Variants in USP12 observed in about 807,000 individuals in gnomAD.
USP12 encodes ubiquitin specific peptidase 12, also known as ubiquitin carboxyl-terminal hydrolase 12.
In USP12, 19 loss-of-function variants were observed where a neutral mutation model predicts 45.5. The ratio of observed to expected loss-of-function variants is 0.42; its 90% confidence interval spans 0.29 to 0.61. The LOEUF is 0.61. Ranked by LOEUF, USP12 falls within the 20% of genes least tolerant of loss-of-function variation. The pLI is 0.22. For synonymous variants in USP12, 149 were observed against 148.8 expected (o/e 1.00, Z -0.01); for missense variants, 242 against 447.7 (o/e 0.54, Z 4.15).
intron 2 of USP12, among the ~76,000 whole-genome samples, chr13:27,109,643 C>A (rs1298645419): frequency 6.6e-6 from 1 of 151,946 alleles, no homozygotes; most frequent in African/African-American, 2.4e-5. Flanking sequence ...TTTGGCTGGG[C>A]GCAGTGGCTC....
chr13:27,164,762 AC>A (rs1233614308), intron 1 of USP12, among the ~76,000 whole-genome samples: 2 of 152,190 alleles, frequency 1.3e-5, no homozygotes, highest in African/African-American at 4.8e-5. Flanking sequence ...CTCTTCACTT[AC>A]TACTTTCTCC....
intron 1 of USP12, chr13:27,117,786 G>T (rs1221005858): frequency 1.9e-6 from 1 of 518,418 alleles, no homozygotes; most frequent in South Asian, 1.4e-5. Context: ...ATCATAGCGT[G>T]TCACAGTTTC....
At chr13:27,095,134 G>A (rs962061599) in intron 4 of USP12, among the ~76,000 whole-genome samples, 1 of 152,158 alleles carries the variant, frequency 6.6e-6, no homozygotes, top group Admixed American at 6.5e-5. Context: ...CAGCCTGGGT[G>A]TAACAATTTT....
intron 1 of USP12, among the ~76,000 whole-genome samples, chr13:27,128,412 C>T (rs1014072982): frequency 2.0e-5 from 3 of 152,168 alleles, no homozygotes; most frequent in Admixed American, 1.3e-4. Context: ...TGAAACTTTA[C>T]AGATCCTACT....
chr13:27,116,650 A>G (rs1875757636), intron 1 of USP12, 54 bp from the exon 2 acceptor site: 1 of 1,552,302 alleles, frequency 6.4e-7, no homozygotes, highest in Non-Finnish European at 8.8e-7. Context: ...GCACCACATA[A>G]TGACACTTCA....
intron 6 of USP12, 31 bp downstream of exon 6, chr13:27,089,849 AATC>A: frequency 6.3e-7 from 1 of 1,592,282 alleles, no homozygotes; most frequent in Non-Finnish European, 8.5e-7. Flanking sequence ...CAAAAAATAA[AATC>A]ACTTAAAAAT....
At chr13:27,073,973 G>A (rs936241353) in intron 7 of USP12, among the ~76,000 whole-genome samples, 4 of 152,132 alleles carry the variant, frequency 2.6e-5, no homozygotes, top group African/African-American at 4.8e-5. Context: ...CCTTTAAGAT[G>A]TGATCACTCT....
At chr13:27,097,711 TGGGA>T (rs1874655944) in intron 3 of USP12, among the ~76,000 whole-genome samples, 1 of 152,118 alleles carries the variant, frequency 6.6e-6, no homozygotes, top group Non-Finnish European at 1.5e-5. Context: ...CTCACAAGGC[TGGGA>T]GGAAGATTAA....
intron 1 of USP12, among the ~76,000 whole-genome samples, chr13:27,145,734 CAA>C (rs1877278553): frequency 6.6e-6 from 1 of 151,740 alleles, no homozygotes; most frequent in Admixed American, 6.6e-5. Flanking sequence ...TCTTTATCAA[CAA>C]AAGTCTGTAA....
chr13:27,171,121 C>T (rs1218569044), intron 1 of USP12, among the ~76,000 whole-genome samples: 1 of 151,214 alleles, frequency 6.6e-6, no homozygotes, highest in East Asian at 2.0e-4. Flanking sequence ...TCCCGCTCGG[C>T]GCGCGACCAG....
chr13:27,116,656 C>A, intron 1 of USP12, 60 bp from the exon 2 acceptor site: 1 of 1,529,240 alleles, frequency 6.5e-7, no homozygotes, highest in Non-Finnish European at 8.9e-7. Context: ...CATAATGACA[C>A]TTCAGTCAAT....
chr13:27,158,810 T>C (rs984065198), intron 1 of USP12, among the ~76,000 whole-genome samples: 2 of 152,208 alleles, frequency 1.3e-5, no homozygotes, highest in Non-Finnish European at 2.9e-5. Context: ...TTCAATATGA[T>C]AGACATTGAA....
At position 27,095,726 on chromosome 13, in the gene USP12, T is replaced by G; in HGVS notation, c.448A>C (p.Asn150His). The change falls in exon 4 of 9, where the codon AAT becomes CAT. Residue 150 changes from asparagine (N) to histidine (H), a missense_variant. Asn to His is a moderately conservative substitution (Grantham distance 68). Around this residue, in one of 5 missense-constraint regions of USP12, gnomAD observed 40 missense variants for 38.6 expected, o/e 1.04. Coordinates refer to ENST00000282344, the MANE Select transcript of USP12 (RefSeq NM_182488.4). ...LQEERKQEKQ[N>H]GRLPNGNIDN... The stretch of plus-strand genomic sequence containing the variant: ...ATATTACCATTAGGTAAACGACCAT[T>G]TTGTTTTTCCTGCTTTCTCTCTTCT... 1 of 1,613,360 alleles carries G rather than the reference T, an allele frequency of 6.2e-7. No homozygotes were observed. The highest frequency in any genetic ancestry group is 8.5e-7 in the Non-Finnish European group (1 of 1,179,604).
chr13:27,156,908 T>G (rs1470010176), intron 1 of USP12, among the ~76,000 whole-genome samples: 1 of 152,180 alleles, frequency 6.6e-6, no homozygotes, highest in East Asian at 1.9e-4. Flanking sequence ...AGTAACAGCA[T>G]GATCCGGCGG....
intron 7 of USP12, among the ~76,000 whole-genome samples, chr13:27,073,133 C>T (rs969243255): frequency 6.6e-6 from 1 of 151,418 alleles, no homozygotes; most frequent in Non-Finnish European, 1.5e-5. Context: ...GGCAGAAGAG[C>T]GTCAAGGAAG....
chr13:27,121,441 G>A (rs774512744), intron 1 of USP12, among the ~76,000 whole-genome samples: 6 of 151,916 alleles, frequency 3.9e-5, no homozygotes, highest in African/African-American at 7.3e-5. Flanking sequence ...ATCCACCCAC[G>A]AAGAATTCCT....
chr13:27,088,251 C>G (rs922893658), intron 6 of USP12, among the ~76,000 whole-genome samples: 31 of 151,970 alleles, frequency 2.0e-4, no homozygotes, highest in African/African-American at 6.8e-4. Flanking sequence ...CCCGTCTCTA[C>G]TAAAAATACA....
chr13:27,100,325 C>T (rs1002737388), intron 3 of USP12, among the ~76,000 whole-genome samples: 3 of 152,164 alleles, frequency 2.0e-5, no homozygotes, highest in Non-Finnish European at 2.9e-5. Context: ...TTGGGATTTT[C>T]TTTGTTCCCA....
At chr13:27,169,826 T>C (rs989761488) in intron 1 of USP12, among the ~76,000 whole-genome samples, 1 of 152,312 alleles carries the variant, frequency 6.6e-6, no homozygotes, top group Admixed American at 6.5e-5. Context: ...TGACCAATAC[T>C]GCATCCCCAG....
Sources: allele counts gnomAD v4.1 joint callset (sites outside exome capture counted in the v4.1 genomes callset), GRCh38; gene constraint gnomAD v4.1.1; regional missense constraint gnomAD v4.1.1; transcripts MANE v1.5; gene names NCBI Gene and HGNC (gene_info 2026-07-23, HGNC 2026-07-21).